UIMC1: variants seen among roughly 807,000 people sequenced by gnomAD.
UIMC1 encodes the protein ubiquitin interaction motif containing 1, also known as BRCA1-A complex subunit RAP80.
Under a neutral mutation model 84.9 loss-of-function variants are expected in UIMC1, and 42 were observed. That is an observed-to-expected ratio of 0.49 (90% CI 0.39 to 0.64). UIMC1 has a LOEUF of 0.64. Among genes scored for constraint, UIMC1 ranks in the 30% least tolerant of loss-of-function variants. The pLI is 0.00. For missense variants in UIMC1, 825 were observed against 847.6 expected, an observed-to-expected ratio of 0.97 and a Z score of 0.33; for synonymous variants, 281 against 293.0, an observed-to-expected ratio of 0.96 and a Z score of 0.42.
chr5:176,995,449 T>C (rs1773458766), intron 1 of UIMC1, among the ~76,000 whole-genome samples: 3 of 139,530 alleles, frequency 2.2e-5, no homozygotes, highest in Non-Finnish European at 4.5e-5. Context: ...CTCAGGAGGC[T>C]GGGGTAGGAG....
At chr5:177,001,775 T>TA (rs1018686028) in intron 1 of UIMC1, among the ~76,000 whole-genome samples, 862 of 124,362 alleles carry the variant, frequency 6.9e-3, no homozygotes, top group Non-Finnish European at 8.7e-3. Context: ...CCGGCTCTAC[T>TA]AAAAAAAAAA....
upstream of UIMC1, among the ~76,000 whole-genome samples, chr5:177,010,556 T>C (rs1057277850): frequency 2.6e-5 from 4 of 152,174 alleles, no homozygotes; most frequent in African/African-American, 7.2e-5. Context: ...CTTTTTTTTT[T>C]TGAGACAAAA....
At chr5:176,920,431 C>G (rs1281245257) in intron 10 of UIMC1, among the ~76,000 whole-genome samples, 1 of 152,138 alleles carries the variant, frequency 6.6e-6, no homozygotes. Context: ...AAATACCATT[C>G]CATTTATTTA....
At chr5:176,917,551 G>A (rs553028548) in intron 10 of UIMC1, among the ~76,000 whole-genome samples, 47 of 152,184 alleles carry the variant, frequency 3.1e-4, no homozygotes, top group African/African-American at 1.0e-3. Flanking sequence ...CAGCCTGGGC[G>A]ACAGAATGAG....
Position 176,982,501 on chromosome 5 carries a change from C to T in UIMC1, c.115G>A (p.Ala39Thr), listed in dbSNP as rs199788796. The T allele has an allele frequency of 7.7e-5, 124 of 1,613,800 alleles. No homozygotes were observed. Among genetic ancestry groups the T allele is most frequent in the Non-Finnish European group, 1.8e-5 (21 of 1,179,974 alleles). Residue 39 changes from alanine (A) to threonine (T), a missense_variant, in exon 2 of 15, where the codon GCA becomes ACA. Coordinates refer to ENST00000511320, the MANE Select transcript of UIMC1 (RefSeq NM_001199298.2). Reference sequence around the variant, plus strand: ...TCACTATCGGATATCACAATGAATGCATCCTCAAGTCTACGCTTCCTCTTC... The same window carrying T: ...TCACTATCGGATATCACAATGAATGTATCCTCAAGTCTACGCTTCCTCTTC... Reference protein sequence around the residue: ...SVKRKRRLEDAFIVISDSDGE... With the variant: ...SVKRKRRLEDTFIVISDSDGE...
intron 2 of UIMC1, among the ~76,000 whole-genome samples, chr5:176,978,956 C>G (rs1440630029): frequency 6.6e-6 from 1 of 151,754 alleles, no homozygotes; most frequent in Non-Finnish European, 1.5e-5. Flanking sequence ...CTACAGCCAA[C>G]GCAATGAAAA....
intron 1 of UIMC1, among the ~76,000 whole-genome samples, chr5:177,017,232 A>C (rs75203514): frequency 6.6e-6 from 1 of 152,232 alleles, no homozygotes; most frequent in South Asian, 2.1e-4. Context: ...AGTAAAAGCT[A>C]ATCTGTGGCC....
At chr5:176,928,898 A>C (rs1204749151) in intron 10 of UIMC1, among the ~76,000 whole-genome samples, 4 of 147,906 alleles carry the variant, frequency 2.7e-5, no homozygotes, top group Non-Finnish European at 6.0e-5. Context: ...TTGCAGTGAG[A>C]GGAGATCGCG....
chr5:176,980,811 T>A (rs577494327), intron 2 of UIMC1, among the ~76,000 whole-genome samples: 2 of 152,328 alleles, frequency 1.3e-5, no homozygotes, highest in Admixed American at 1.3e-4. Context: ...CACTGCAGCC[T>A]CAAACTCCTT....
At chr5:177,018,122 G>A (rs1581742356) in intron 1 of UIMC1, among the ~76,000 whole-genome samples, 2 of 152,124 alleles carry the variant, frequency 1.3e-5, no homozygotes, top group African/African-American at 2.4e-5. Context: ...AGGCCAAGGT[G>A]GTCAGACCAC....
intron 2 of UIMC1, among the ~76,000 whole-genome samples, chr5:176,976,592 T>C (rs1308732224): frequency 6.6e-6 from 1 of 152,066 alleles, no homozygotes; most frequent in African/African-American, 2.4e-5. Flanking sequence ...GTGCCCCCAC[T>C]GTGGAAAAAA....
chr5:177,019,165 T>C (rs1045563379), intron 1 of UIMC1, among the ~76,000 whole-genome samples: 3 of 152,220 alleles, frequency 2.0e-5, no homozygotes, highest in Non-Finnish European at 2.9e-5. Flanking sequence ...CAAAAGGACA[T>C]AGATTTGCAA....
chr5:176,914,157 A>G (rs984767300), intron 10 of UIMC1, among the ~76,000 whole-genome samples: 1 of 148,648 alleles, frequency 6.7e-6, no homozygotes, highest in African/African-American at 2.5e-5. Flanking sequence ...GTTGCTGGGT[A>G]TTTTTTTTTT....
chr5:176,968,204 T>C (rs1044006991), intron 6 of UIMC1, among the ~76,000 whole-genome samples: 3 of 152,096 alleles, frequency 2.0e-5, no homozygotes, highest in Non-Finnish European at 4.4e-5. Context: ...AAACCCCGTC[T>C]CTACTAAAAG....
intron 8 of UIMC1, among the ~76,000 whole-genome samples, chr5:176,955,025 G>A (rs763745338): frequency 7.2e-5 from 11 of 152,146 alleles, no homozygotes; most frequent in Non-Finnish European, 2.9e-5. Context: ...ACATCAGTAG[G>A]AAGTCCCTCA....
intron 14 of UIMC1, 189 bp from the exon 15 acceptor site, chr5:176,905,681 A>C: frequency 1.5e-6 from 1 of 668,014 alleles, no homozygotes; most frequent in East Asian, 2.7e-5. Context: ...TACTACTTAA[A>C]GCTGGCCATT....
rs1775678552 is a variant in UIMC1, at chr5:177,016,701, C to A, written c.-9+5763G>T. Among the ~76,000 whole-genome samples the A allele has an allele frequency of 2.7e-5, 4 of 146,310 alleles. 1 individual carries two copies. The South Asian group carries it at 6.5e-4, about 24-fold the overall frequency. On this transcript the variant is annotated intron_variant, in intron 1 of 5. Coordinates refer to the UIMC1 transcript ENST00000509236. ...ATGCCACTGCACTCCAGCCTGGCAACAGAGTGAGACTCCGTCTCAAAAAAG... is the reference window on the plus strand; with the variant it reads ...ATGCCACTGCACTCCAGCCTGGCAAAAGAGTGAGACTCCGTCTCAAAAAAG...
chr5:177,009,416 C>CCCTAATCAT (rs1379851971), upstream of UIMC1, among the ~76,000 whole-genome samples: 4 of 151,546 alleles, frequency 2.6e-5, no homozygotes, highest in African/African-American at 9.7e-5. This position sits in a 1 kb window ranked among gnomAD's most constrained non-coding sequence, Gnocchi z 4.3. Context: ...AGAGTTAGGA[C>CCCTAATCAT]CCTAATCATA....
chr5:176,912,830 C>A (rs1265834719), intron 10 of UIMC1, among the ~76,000 whole-genome samples: 1 of 152,110 alleles, frequency 6.6e-6, no homozygotes, highest in Non-Finnish European at 1.5e-5. Context: ...CGACGCCCAG[C>A]TAATTTTTTG....
Sources: gnomAD v4.1 joint callset for allele counts (sites outside exome capture counted in the v4.1 genomes callset) on GRCh38, gnomAD v4.1.1 for gene constraint, Gnocchi (gnomAD v3.1) non-coding constraint, MANE v1.5 for transcripts, NCBI Gene and HGNC (gene_info 2026-07-23, HGNC 2026-07-21) for gene names.